The following GINS1 variants were observed in gnomAD, a reference collection of about 807,000 sequenced individuals.
GINS1 encodes GINS complex subunit 1, also known as DNA replication complex GINS protein PSF1.
GINS1 carries 26 observed loss-of-function variants against 34.9 expected under a neutral mutation model. The ratio of observed to expected loss-of-function variants is 0.74; its 90% CI spans 0.55 to 1.03. The LOEUF (loss-of-function observed/expected upper bound fraction) is 1.03. GINS1 is among the 50% of genes least tolerant of loss of function. GINS1 has a pLI of 0.00. For synonymous variants in GINS1, 97 were observed against 84.4 expected (o/e 1.15, Z -0.82); for missense variants, 235 against 237.9 (o/e 0.99, Z 0.08).
chr20:25,428,106 C>T (rs989043194), intron 5 of GINS1, among the ~76,000 whole-genome samples: 2 of 152,062 alleles, frequency 1.3e-5, no homozygotes, highest in Non-Finnish European at 2.9e-5. Context: ...ATCCTGACTT[C>T]AGGTGATCCA....
intron 5 of GINS1, among the ~76,000 whole-genome samples, chr20:25,438,085 C>T (rs2090463260): frequency 6.7e-6 from 1 of 149,272 alleles, no homozygotes; most frequent in South Asian, 2.1e-4. Context: ...TGGCATTGCA[C>T]TCCAGCCTGG....
intron 5 of GINS1, among the ~76,000 whole-genome samples, chr20:25,441,146 T>C (rs2090480270): frequency 6.6e-6 from 1 of 152,210 alleles, no homozygotes; most frequent in Non-Finnish European, 1.5e-5. Flanking sequence ...GGAACACCTT[T>C]GTAGTTGCAG....
At chr20:25,439,303 A>G (rs2090470153) in intron 5 of GINS1, among the ~76,000 whole-genome samples, 1 of 152,194 alleles carries the variant, frequency 6.6e-6, no homozygotes, top group South Asian at 2.1e-4. Context: ...CCTAACTTCC[A>G]TTTTATAGGA....
intron 6 of GINS1, 136 bp downstream of exon 6, chr20:25,441,912 GT>G: frequency 2.0e-6 from 1 of 501,642 alleles, no homozygotes; most frequent in South Asian, 3.4e-5. Context: ...AATATACCCT[GT>G]TCTGTACTTT....
intron 4 of GINS1, among the ~76,000 whole-genome samples, chr20:25,422,115 G>A (rs2090359080): frequency 6.6e-6 from 1 of 151,976 alleles, no homozygotes; most frequent in Non-Finnish European, 1.5e-5. Context: ...ATCTGAAAAG[G>A]TGCAGAAAAC....
rs1431912473 is a variant in GINS1 at position 25,447,126 on chromosome 20, A to G, written c.*1135A>G. Reference sequence around the variant, plus strand: ...GTGATCTTGGCTCACTGCAATCTCTATCCCCTGGGTTCAAGTGATTCTCTT... The same window carrying G: ...GTGATCTTGGCTCACTGCAATCTCTGTCCCCTGGGTTCAAGTGATTCTCTT... On this transcript the variant is annotated 3_prime_UTR_variant, in exon 7 of 7. Transcript: ENST00000262460. 6.6e-6 allele frequency: 1 copy of G among 151,568 alleles called. No individual in the cohort carries two copies. Among genetic ancestry groups the G allele is most frequent in the African/African-American group, 2.4e-5 (1 of 41,248 alleles). 9.4% of individuals were successfully genotyped at this position (151,568 alleles called of 1,614,324 possible). A position where few individuals can be genotyped will look rare whatever the true frequency, so the allele number is the denominator to read the frequency against.
intron 5 of GINS1, among the ~76,000 whole-genome samples, chr20:25,435,621 G>T (rs551772380): frequency 9.2e-5 from 14 of 151,942 alleles, no homozygotes; most frequent in Middle Eastern, 3.4e-3. Context: ...AGCCGGGTGT[G>T]GTGGTGCACG....
Position 25,441,779 on chromosome 20 carries a change from AT to A in GINS1, c.522+6del. On this transcript the variant is annotated splice_donor_region_variant and intron_variant, in intron 6 of 6. Coordinates refer to ENST00000262460, the MANE Select transcript of GINS1 (RefSeq NM_021067.5). Reference sequence around the variant, plus strand: ...TCCTATTAAAAAAAAATAGCCAGGTATTTCTTATCTTCAGATTCTTTACTTT... The same window carrying A: ...TCCTATTAAAAAAAAATAGCCAGGTATTCTTATCTTCAGATTCTTTACTTT... The A allele has an allele frequency of 2.1e-6, 3 of 1,412,332 alleles. No individual in the cohort carries two copies. Among genetic ancestry groups the A allele is most frequent in the African/African-American group, 1.4e-5 (1 of 70,386 alleles). The allele number at this position is 1,412,332 out of a possible 1,614,324, so 87.5% of individuals were successfully genotyped here. A position where few individuals can be genotyped will look rare whatever the true frequency, so the allele number is the denominator to read the frequency against.
intron 1 of GINS1, among the ~76,000 whole-genome samples, chr20:25,410,504 G>A (rs1364192087): frequency 2.0e-5 from 3 of 152,150 alleles, no homozygotes; most frequent in Non-Finnish European, 4.4e-5. Context: ...CCGACTCAGC[G>A]GCACAGAGGA....
At chr20:25,435,810 CT>C (rs199615377) in intron 5 of GINS1, among the ~76,000 whole-genome samples, 34 of 108,540 alleles carry the variant, frequency 3.1e-4, no homozygotes, top group Admixed American at 6.6e-4. Context: ...TAGAGTTACA[CT>C]TTTTTTTTTT....
intron 4 of GINS1, among the ~76,000 whole-genome samples, chr20:25,423,463 T>TTTTTTTTTTTTTTA: frequency 1.0e-5 from 1 of 99,852 alleles, no homozygotes; most frequent in Non-Finnish European, 2.0e-5. Flanking sequence ...TTTTTTTTTT[T>TTTTTTTTTTTTTTA]TTTTTTTTTT....
At chr20:25,413,761 G>A (rs780146298) in intron 1 of GINS1, 29 bp from the exon 2 acceptor site, 5 of 1,300,622 alleles carry the variant, frequency 3.8e-6, no homozygotes, top group Non-Finnish European at 5.6e-6. Flanking sequence ...GGAAATCAGT[G>A]GATTTCAATA....
At chr20:25,424,933 G>T (rs943033481) in intron 4 of GINS1, among the ~76,000 whole-genome samples, 2 of 152,096 alleles carry the variant, frequency 1.3e-5, no homozygotes, top group Non-Finnish European at 1.5e-5. Context: ...TCTTTTTCAT[G>T]GTTCTGTTTC....
chr20:25,435,130 T>C (rs1051803181), intron 5 of GINS1, among the ~76,000 whole-genome samples: 7 of 152,206 alleles, frequency 4.6e-5, no homozygotes, highest in Non-Finnish European at 8.8e-5. Flanking sequence ...CAAGTTACTA[T>C]CTTGTGATAG....
At chr20:25,445,228 C>G (rs993007000) in intron 6 of GINS1, among the ~76,000 whole-genome samples, 9 of 151,964 alleles carry the variant, frequency 5.9e-5, no homozygotes, top group South Asian at 4.2e-4. Context: ...GAGTTTTGCT[C>G]TTGTTGCCCA....
chr20:25,428,967 C>CTTTTTTTTTTTTT (rs1241187859), intron 5 of GINS1, among the ~76,000 whole-genome samples: 2 of 114,162 alleles, frequency 1.8e-5, no homozygotes, highest in African/African-American at 3.3e-5. Flanking sequence ...TCATTCCTCT[C>CTTTTTTTTTTTTT]TCTTTTTTTT....
chr20:25,430,011 C>T (rs1042837650), intron 5 of GINS1, among the ~76,000 whole-genome samples: 2 of 152,206 alleles, frequency 1.3e-5, no homozygotes, highest in Admixed American at 1.3e-4. Context: ...CTCCTAGGTT[C>T]AAGCGATTCT....
chr20:25,424,344 T>G (rs2090378112), intron 4 of GINS1, among the ~76,000 whole-genome samples: 1 of 152,204 alleles, frequency 6.6e-6, no homozygotes, highest in South Asian at 2.1e-4. Context: ...AGATTTTGAT[T>G]GAGATTGAAT....
chr20:25,445,363 T>TG (rs1468375570), intron 6 of GINS1, among the ~76,000 whole-genome samples: 1 of 151,658 alleles, frequency 6.6e-6, no homozygotes, highest in African/African-American at 2.4e-5. Flanking sequence ...TTTTTTTTTT[T>TG]TGTGACAGAG....
Sources: allele counts gnomAD v4.1 joint callset (sites outside exome capture counted in the v4.1 genomes callset), GRCh38; gene constraint gnomAD v4.1.1; transcripts MANE v1.5; gene names NCBI Gene and HGNC (gene_info 2026-07-23, HGNC 2026-07-21).